Variants in ZBTB16 observed in about 807,000 individuals in gnomAD.
The protein encoded by ZBTB16 is zinc finger and BTB domain containing 16, also known as zinc finger and BTB domain-containing protein 16.
Under a neutral mutation model 56.8 loss-of-function variants are expected in ZBTB16, and 8 were observed. The ratio of observed to expected loss-of-function variants is 0.14; its 90% CI spans 0.08 to 0.25. ZBTB16 has a LOEUF of 0.25. Ranked by LOEUF, ZBTB16 falls within the 10% of genes least tolerant of loss-of-function variation. ZBTB16 has a pLI of 1.00. For missense variants in ZBTB16, 625 were observed against 903.0 expected (o/e 0.69, Z 3.95); for synonymous variants, 363 against 368.5 (o/e 0.98, Z 0.17).
intron 4 of ZBTB16, among the ~76,000 whole-genome samples, chr11:114,223,064 C>T (rs534783286): frequency 4.6e-5 from 7 of 152,312 alleles, no homozygotes; most frequent in African/African-American, 1.7e-4. Flanking sequence ...TCAGGTTTGA[C>T]TTCAGATCCC....
chr11:114,197,301 G>A (rs11214896), intron 4 of ZBTB16, among the ~76,000 whole-genome samples: 34,954 of 152,086 alleles, frequency 0.23, 4,176 homozygotes, highest in Middle Eastern at 0.33. Context: ...TACCTCTGGC[G>A]GCTGAGGGTC....
intron 4 of ZBTB16, chr11:114,187,523 G>T: frequency 5.1e-6 from 1 of 194,694 alleles, no homozygotes; most frequent in Non-Finnish European, 1.1e-5. Flanking sequence ...AACTCACGAT[G>T]ATAGAGCTTT....
chr11:114,205,877 A>G (rs1406132406), intron 4 of ZBTB16, among the ~76,000 whole-genome samples: 1 of 152,236 alleles, frequency 6.6e-6, no homozygotes, highest in East Asian at 1.9e-4. Context: ...CCTCTGGGGA[A>G]CACACTTGAG....
At position 114,077,215 on chromosome 11, in the gene ZBTB16, T is replaced by C. The variant is rs572883006; in HGVS notation, c.1268+12647T>C. ...GGATTCTGTCATTCTGCTCCCATTT[T>C]CCCCCTCCCCAGCCTGCAGCCTGGT... On this transcript the variant is annotated intron_variant, in intron 2 of 6. Transcript: ENST00000335953. Among the ~76,000 whole-genome samples the C allele has an allele frequency of 2.3e-3, 354 of 152,034 alleles. 2 individuals carry two copies. Among genetic ancestry groups the C allele is most frequent in the African/African-American group, 8.1e-3 (334 of 41,470 alleles).
chr11:114,086,223 G>T (rs572317813), intron 2 of ZBTB16, among the ~76,000 whole-genome samples: 1 of 152,200 alleles, frequency 6.6e-6, no homozygotes, highest in African/African-American at 2.4e-5. Context: ...GGAGCCAGGC[G>T]TGGCCAGGAG....
chr11:114,177,547 C>T (rs1051908529), intron 3 of ZBTB16, among the ~76,000 whole-genome samples: 1 of 152,148 alleles, frequency 6.6e-6, no homozygotes, highest in Non-Finnish European at 1.5e-5. Flanking sequence ...CCACCGCACC[C>T]GGCCCGGGAC....
chr11:114,145,595 G>T (rs577611775), intron 2 of ZBTB16, among the ~76,000 whole-genome samples: 1 of 152,200 alleles, frequency 6.6e-6, no homozygotes. Flanking sequence ...AGGCAAATCT[G>T]TAGAGGAAGA....
At chr11:114,080,143 T>C (rs1402161650) in intron 2 of ZBTB16, among the ~76,000 whole-genome samples, 1 of 152,144 alleles carries the variant, frequency 6.6e-6, no homozygotes, top group Non-Finnish European at 1.5e-5. Flanking sequence ...GAGTTTGAAT[T>C]CTGACTCTGC....
intron 2 of ZBTB16, among the ~76,000 whole-genome samples, chr11:114,142,818 T>TA (rs769208455): frequency 1.3e-4 from 20 of 152,238 alleles, no homozygotes; most frequent in South Asian, 1.2e-3. Context: ...ATGGCCCGTT[T>TA]AAAAAAGATT....
intron 4 of ZBTB16, among the ~76,000 whole-genome samples, chr11:114,193,416 G>A (rs188310081): frequency 4.3e-4 from 65 of 152,246 alleles, no homozygotes; most frequent in African/African-American, 3.9e-4. Context: ...GGCAGGTGTC[G>A]TGCTCAGTGC....
rs78632056 is a variant in ZBTB16 at position 114,250,746 on chromosome 11, C to T, written c.*191C>T. 2.1e-3 allele frequency: 1,360 copies of T among 632,718 alleles called. 35 individuals are homozygous for T. In the East Asian group the frequency reaches 0.035, roughly 16 times the overall value. 39.2% of individuals were successfully genotyped at this position (632,718 alleles called of 1,614,324 possible). A position where few individuals can be genotyped will look rare whatever the true frequency, so the allele number is the denominator to read the frequency against. ...CCTGGATGCCAAGCCACTGCCCCTC[C>T]TCTGGGGGCCTCCACCCTCCTCTCC... On this transcript the variant is annotated 3_prime_UTR_variant, in exon 7 of 7. Coordinates refer to ENST00000335953, the MANE Select transcript of ZBTB16 (RefSeq NM_006006.6). This position sits in a 1 kb window ranked among gnomAD's most constrained non-coding sequence, Gnocchi z 6.0.
Position 114,252,677 on chromosome 11 carries a change from G to A in ZBTB16, c.*2122G>A, listed in dbSNP as rs137874881. Among the ~76,000 whole-genome samples the A allele has an allele frequency of 2.5e-4, 38 of 152,134 alleles. No homozygotes were observed. The East Asian group carries it at 6.6e-3, about 26-fold the overall frequency. On this transcript the variant is annotated 3_prime_UTR_variant, in exon 7 of 7. Transcript: ENST00000335953. Reference sequence around the variant, plus strand: ...CTCTCTCTGAGAAAGTTGTGGCTGCGTTTTGATCTTAGGTTTTACAAAGTG... The same window carrying A: ...CTCTCTCTGAGAAAGTTGTGGCTGCATTTTGATCTTAGGTTTTACAAAGTG...
At chr11:114,148,336 G>GCTGGCTTGCTTCCTTCCTTC (rs1369514528) in intron 2 of ZBTB16, among the ~76,000 whole-genome samples, 12 of 52,596 alleles carry the variant, frequency 2.3e-4, no homozygotes, top group East Asian at 4.1e-4. Context: ...TGGCTGGCTG[G>GCTGGCTTGCTTCCTTCCTTC]CTTCCTTCCT....
intron 4 of ZBTB16, among the ~76,000 whole-genome samples, chr11:114,239,894 C>G (rs1433226926): frequency 3.3e-5 from 5 of 152,188 alleles, no homozygotes; most frequent in Admixed American, 3.3e-4. Flanking sequence ...ATTTTCAGAT[C>G]CCAACTCTGC....
chr11:114,138,653 C>CT lies in ZBTB16; in HGVS notation c.1269-17680dup, dbSNP rs770990863. 2.2e-4 allele frequency among the ~76,000 whole-genome samples: 34 copies of CT among 151,722 alleles called. No individual in the cohort carries two copies. In the East Asian group the frequency reaches 3.3e-3, roughly 15 times the overall value. On this transcript the variant is annotated intron_variant, in intron 2 of 6. Coordinates refer to ENST00000335953, the MANE Select transcript of ZBTB16 (RefSeq NM_006006.6). ...GTTGAGTTTTGAGTCAACTACCACT[C>CT]TTTTCTCCCTTCCTCTTTTTTAATT...
chr11:114,207,624 CACAT>C (rs1401482029), intron 4 of ZBTB16, among the ~76,000 whole-genome samples: 2 of 151,132 alleles, frequency 1.3e-5, no homozygotes, highest in African/African-American at 4.9e-5. Flanking sequence ...CACACACACA[CACAT>C]ATTGAGGCAG....
intron 2 of ZBTB16, among the ~76,000 whole-genome samples, chr11:114,129,939 A>G (rs1941617405): frequency 6.6e-6 from 1 of 152,274 alleles, no homozygotes; most frequent in Admixed American, 6.5e-5. Context: ...GAAATGTGGC[A>G]TTGCCACATG....
intron 2 of ZBTB16, among the ~76,000 whole-genome samples, chr11:114,105,334 G>A (rs2137764572): frequency 6.6e-6 from 1 of 151,840 alleles, no homozygotes; most frequent in Admixed American, 6.6e-5. Flanking sequence ...TCCACCTCCT[G>A]GGTCCAAGCA....
intron 2 of ZBTB16, among the ~76,000 whole-genome samples, chr11:114,148,469 C>CTCTCTCTTTCTTTCTTTCTT (rs36194689): frequency 1.6e-5 from 1 of 60,966 alleles, no homozygotes; most frequent in African/African-American, 5.4e-5. Context: ...CTCTCTCTCT[C>CTCTCTCTTTCTTTCTTTCTT]TCTTTCTTTC....
Sources: allele counts gnomAD v4.1 joint callset (sites outside exome capture counted in the v4.1 genomes callset), GRCh38; gene constraint gnomAD v4.1.1; non-coding constraint Gnocchi (gnomAD v3.1); transcripts MANE v1.5; gene names NCBI Gene and HGNC (gene_info 2026-07-23, HGNC 2026-07-21).